CERS5: variants seen among roughly 807,000 people sequenced by gnomAD.
The protein encoded by CERS5 is ceramide synthase 5.
In CERS5, 37 loss-of-function variants were observed where a neutral mutation model predicts 58.9. The ratio of observed to expected loss-of-function variants is 0.63; its 90% CI spans 0.48 to 0.83. The LOEUF (loss-of-function observed/expected upper bound fraction) is 0.83. Ranked by LOEUF, CERS5 falls within the 40% of genes least tolerant of loss-of-function variation. The probability of loss-of-function intolerance (pLI) is 0.00; values close to 1 mark genes in which losing one functional copy is unlikely to be tolerated. For missense variants in CERS5, 398 were observed against 489.3 expected, an observed-to-expected ratio of 0.81 and a Z score of 1.76; for synonymous variants, 147 against 177.8, an observed-to-expected ratio of 0.83 and a Z score of 1.38.
At chr12:50,163,449 C>T (rs901028683) in intron 1 of CERS5, among the ~76,000 whole-genome samples, 12 of 151,224 alleles carry the variant, frequency 7.9e-5, no homozygotes, top group African/African-American at 1.5e-4. Context: ...CTGCCTGCCT[C>T]GGCCTCCCAA....
At chr12:50,161,784 G>GA (rs374177550) in intron 1 of CERS5, among the ~76,000 whole-genome samples, 1,072 of 90,874 alleles carry the variant, frequency 0.012, 50 homozygotes, top group African/African-American at 0.037. Context: ...CTCAAAAAAA[G>GA]AAAAAAAAAA....
At chr12:50,133,129 A>G (rs1219699596) in intron 9 of CERS5, 2 of 1,266,368 alleles carry the variant, frequency 1.6e-6, no homozygotes, top group African/African-American at 1.5e-5. Context: ...ATGCACAGGC[A>G]CACTGAGCAA....
intron 1 of CERS5, among the ~76,000 whole-genome samples, chr12:50,147,943 T>TA (rs199806035): frequency 9.2e-5 from 14 of 151,574 alleles, no homozygotes; most frequent in South Asian, 6.3e-4. Flanking sequence ...CCCAGCTAAT[T>TA]AAAAAATTTT....
In CERS5 at chr12:50,167,360, C is replaced by T. The variant is rs1592472856; in HGVS notation, c.-63G>A. The stretch of plus-strand genomic sequence containing the variant: ...CAGCTGCCGCCACAGCCAACGGAAC[C>T]CGCGGGGAGGCGGCCCCAGGGCGGG... On this transcript the variant is annotated 5_prime_UTR_variant, in exon 1 of 10. Transcript: ENST00000317551. The T allele has an allele frequency of 6.9e-7, 1 of 1,443,150 alleles. No individual in the cohort carries two copies. 89.4% of individuals were successfully genotyped at this position (1,443,150 alleles called of 1,614,324 possible). A position where few individuals can be genotyped will look rare whatever the true frequency, so the allele number is the denominator to read the frequency against.
At position 50,167,308 on chromosome 12, in the gene CERS5, C is replaced by T; in HGVS notation, c.-11G>A. ...CGCTGCTGTCGCCATCTTACGCCCACCCCGAAGCCACCGCCGCCACAAGCG... is the reference window on the plus strand; with the variant it reads ...CGCTGCTGTCGCCATCTTACGCCCATCCCGAAGCCACCGCCGCCACAAGCG... On this transcript the variant is annotated 5_prime_UTR_variant, in exon 1 of 10. It adds an upstream start codon to the 5' untranslated region. Transcript: ENST00000317551. 2.0e-6 allele frequency: 3 copies of T among 1,477,790 alleles called. No individual in the cohort carries two copies. Among genetic ancestry groups the T allele is most frequent in the Middle Eastern group, 1.8e-4 (1 of 5,408 alleles). 91.5% of individuals were successfully genotyped at this position (1,477,790 alleles called of 1,614,324 possible).
At chr12:50,166,883 TA>T (rs772527718) in intron 1 of CERS5, among the ~76,000 whole-genome samples, 172 of 152,236 alleles carry the variant, frequency 1.1e-3, no homozygotes, top group Non-Finnish European at 1.4e-3. Flanking sequence ...AGCATTCCCC[TA>T]GACCCTCACT....
intron 1 of CERS5, among the ~76,000 whole-genome samples, chr12:50,149,949 GC>G (rs1565791808): frequency 6.6e-6 from 1 of 152,088 alleles, no homozygotes; most frequent in Non-Finnish European, 1.5e-5. Context: ...CACCACATTG[GC>G]CAGGCTGGTC....
chr12:50,135,475 C>T (rs1272090302), intron 8 of CERS5: 1 of 676,558 alleles, frequency 1.5e-6, no homozygotes, highest in East Asian at 2.8e-5. Context: ...TGAGTCAGTC[C>T]TGAGAAGCCA....
chr12:50,156,902 T>G (rs892857118), intron 1 of CERS5, among the ~76,000 whole-genome samples: 5 of 152,166 alleles, frequency 3.3e-5, no homozygotes, highest in African/African-American at 1.2e-4. Context: ...TGGGTAATTG[T>G]GATGGTTAAT....
intron 1 of CERS5, among the ~76,000 whole-genome samples, chr12:50,146,896 A>G (rs370501360): frequency 6.7e-6 from 1 of 150,114 alleles, no homozygotes; most frequent in African/African-American, 2.4e-5. Context: ...TTGATTGTTT[A>G]TTTTGTGCTA....
chr12:50,136,198 C>T (rs1482186739), intron 6 of CERS5, 129 bp from the exon 7 acceptor site: 4 of 777,532 alleles, frequency 5.1e-6, no homozygotes, highest in African/African-American at 1.8e-5. Flanking sequence ...ATTGGCCGGG[C>T]GAGGTGGCTC....
At position 50,148,940 on chromosome 12, in the gene CERS5, ATATATATG is replaced by A. The variant is rs1318383917; in HGVS notation, c.198-4891_198-4884del. ...AAAAAAAAAAAAAATATATATATATATATATATGTGTGTGTGTGTGTGTGTGTGTGCGT... is the reference window on the plus strand; with the variant it reads ...AAAAAAAAAAAAAATATATATATATATGTGTGTGTGTGTGTGTGTGTGCGT... On this transcript the variant is annotated intron_variant, in intron 1 of 9. Coordinates refer to ENST00000317551, the MANE Select transcript of CERS5 (RefSeq NM_147190.5). 3.9e-3 allele frequency among the ~76,000 whole-genome samples: 512 copies of A among 132,956 alleles called. 2 individuals are homozygous for A. Among genetic ancestry groups the A allele is most frequent in the Non-Finnish European group, 6.3e-3 (400 of 63,532 alleles). 87.2% of individuals were successfully genotyped at this position (132,956 alleles called of 152,430 possible). A position where few individuals can be genotyped will look rare whatever the true frequency, so the allele number is the denominator to read the frequency against.
In CERS5 at chr12:50,135,997, C is replaced by A. The variant is rs1355228786; in HGVS notation, c.709G>T (p.Val237Phe). 8 of 1,521,598 alleles carry A rather than the reference C, an allele frequency of 5.3e-6. No homozygotes were observed. The highest frequency in any genetic ancestry group is 6.1e-6 in the Non-Finnish European group (7 of 1,138,650). The allele number at this position is 1,521,598 out of a possible 1,614,324, so 94.3% of individuals were successfully genotyped here. A position where few individuals can be genotyped will look rare whatever the true frequency, so the allele number is the denominator to read the frequency against. Residue 237 changes from valine (V) to phenylalanine (F), a missense_variant, in exon 7 of 10, where the codon GTT (valine) becomes TTT (phenylalanine). Coordinates refer to ENST00000317551, the MANE Select transcript of CERS5 (RefSeq NM_147190.5). ...CACATGATCAGAGTTCCCACTCGAA[C>A]CATATTGTTGATGTAGGAGAAGGAG... is the stretch of plus-strand genomic sequence containing the variant. ...LISFSYINNM[V>F]RVGTLIMCLH...
intron 4 of CERS5, 114 bp downstream of exon 4, chr12:50,141,939 C>CAAAAAAAA (rs35739493): frequency 4.5e-4 from 184 of 408,890 alleles, no homozygotes; most frequent in South Asian, 1.1e-3. Context: ...GACTCCGTCT[C>CAAAAAAAA]AAAAAAAAAA....
At chr12:50,161,867 TTC>T (rs1355485973) in intron 1 of CERS5, among the ~76,000 whole-genome samples, 2 of 124,862 alleles carry the variant, frequency 1.6e-5, no homozygotes, top group Admixed American at 2.1e-4. Context: ...TTTGTTCTTC[TTC>T]TTTTTTTTTT....
intron 1 of CERS5, among the ~76,000 whole-genome samples, chr12:50,156,742 A>C (rs1400285583): frequency 6.6e-6 from 1 of 152,192 alleles, no homozygotes; most frequent in Non-Finnish European, 1.5e-5. Context: ...ACTGCTGTAC[A>C]GCATAGGAAT....
In CERS5 at chr12:50,133,840, A is replaced by C. The variant is rs181288013; in HGVS notation, c.1029+706T>G. ...TGTAATCCCAGCACTTCGGGAGGCC[A>C]AGGTGGGCAGATCACAAGGTCGGGA... On this transcript the variant is annotated intron_variant, in intron 9 of 9. Transcript: ENST00000317551. The C allele has an allele frequency of 7.0e-4, 579 of 827,312 alleles. 6 individuals carry two copies. The African/African-American group carries it at 0.01, about 14-fold the overall frequency. The allele number at this position is 827,312 out of a possible 1,614,324, so 51.2% of individuals were successfully genotyped here.
intron 1 of CERS5, among the ~76,000 whole-genome samples, chr12:50,146,458 TAAC>T (rs1471237497): frequency 1.3e-5 from 2 of 152,198 alleles, no homozygotes; most frequent in African/African-American, 4.8e-5. Context: ...GGAGTGGACT[TAAC>T]AATCTAGAAT....
At chr12:50,133,877 G>T (rs895167372) in intron 9 of CERS5, 7 of 447,956 alleles carry the variant, frequency 1.6e-5, no homozygotes, top group South Asian at 9.6e-5. Flanking sequence ...TTAGAGACCA[G>T]CCTGGCCAAC....
Sources: gnomAD v4.1 joint callset for allele counts (sites outside exome capture counted in the v4.1 genomes callset) on GRCh38, gnomAD v4.1.1 for gene constraint, MANE v1.5 for transcripts, NCBI Gene and HGNC (gene_info 2026-07-23, HGNC 2026-07-21) for gene names.